Variants in SLC26A2 observed in about 807,000 individuals in gnomAD.
SLC26A2 encodes solute carrier family 26 member 2.
A neutral mutation model predicts 41.1 loss-of-function variants in SLC26A2; 36 were observed. The observed-to-expected ratio is 0.88, with a 90% CI of 0.67 to 1.16. The LOEUF is 1.16. Among genes scored for constraint, SLC26A2 ranks in the 50% most tolerant of loss-of-function variants. SLC26A2 has a pLI of 0.00. For synonymous variants in SLC26A2, 291 were observed against 311.6 expected (o/e 0.93, Z 0.70); for missense variants, 796 against 869.6 (o/e 0.92, Z 1.07).
intron 1 of SLC26A2, among the ~76,000 whole-genome samples, chr5:149,970,286 T>C (rs537871190): frequency 4.0e-4 from 61 of 152,182 alleles, no homozygotes; most frequent in Non-Finnish European, 5.7e-4. Context: ...AGTGGAAGAA[T>C]TGATTGAGCC....
chr5:149,981,654 T>G lies in SLC26A2; in HGVS notation c.2061T>G (p.Asn687Lys). ...IGIQVLLAQC[N>K]PTVRDSLTNG... is the part of the protein sequence containing the mutation. ...TCCAGGTTCTGCTGGCTCAGTGCAA[T>G]CCCACTGTGAGGGATTCCCTAACCA... is the stretch of plus-strand genomic sequence containing the variant. Residue 687 changes from asparagine to lysine, a missense_variant, in exon 3 of 3, where the codon AAT (asparagine) becomes AAG (lysine). Asn to Lys is a moderately conservative substitution (Grantham distance 94, BLOSUM62 0). Transcript: ENST00000286298. 6.2e-7 allele frequency: 1 copy of G among 1,613,948 alleles called. No homozygotes were observed. The highest frequency in any genetic ancestry group is 8.5e-7 in the Non-Finnish European group (1 of 1,179,936).
chr5:149,977,600 A>C (rs978368526), intron 1 of SLC26A2, 28 bp from the exon 2 acceptor site: 2 of 1,131,072 alleles, frequency 1.8e-6, no homozygotes, highest in Non-Finnish European at 2.7e-6. Flanking sequence ...TACTTTATTG[A>C]TGAACACTGG....
rs148702316 is a variant in SLC26A2, at chr5:149,973,453, C to G, written c.-25-4175C>G. The stretch of plus-strand genomic sequence containing the variant: ...CCTTCCTGAAACTGTCTCTCTCTCT[C>G]TGTGTGTCTCTCTCTGTGTTTCTCT... On this transcript the variant is annotated intron_variant, in intron 1 of 2. Coordinates refer to ENST00000286298, the MANE Select transcript of SLC26A2 (RefSeq NM_000112.4). 9.2e-3 allele frequency among the ~76,000 whole-genome samples: 1,403 copies of G among 151,950 alleles called. 25 individuals carry two copies. Among genetic ancestry groups the G allele is most frequent in the African/African-American group, 0.032 (1,312 of 41,412 alleles).
rs370650784 is a variant in SLC26A2, at chr5:149,980,776, G to T, written c.1183G>T (p.Ala395Ser). The T allele has an allele frequency of 3.1e-6, 5 of 1,613,888 alleles. No individual in the cohort carries two copies. The African/African-American group carries it at 6.7e-5, about 22-fold the overall frequency. Residue 395 changes from alanine to serine, a missense_variant, in exon 3 of 3, where the codon GCT becomes TCT. Ala to Ser is a moderately conservative substitution (Grantham distance 99). Transcript: ENST00000286298. The stretch of plus-strand genomic sequence containing the variant: ...AATAGCTATTTCCATCATTGGTTTT[G>T]CTATCACTGTATCACTTTCTGAGAT... ...DAIAISIIGF[A>S]ITVSLSEMFA... is the part of the protein sequence containing the mutation.
intron 1 of SLC26A2, among the ~76,000 whole-genome samples, chr5:149,975,572 G>A (rs2113694041): frequency 6.6e-6 from 1 of 152,334 alleles, no homozygotes; most frequent in Admixed American, 6.5e-5. Context: ...TGGTTGCATT[G>A]TAGAGCAAAG....
Position 149,977,918 on chromosome 5 carries a change from T to G in SLC26A2, c.266T>G (p.Ile89Ser), listed in dbSNP as rs1200428645. ...AGTCCAGCCAAAGCCAAAAATATGA[T>G]TTTAGGTTTCCTTCCTGTTTTGCAG... ...QCSPAKAKNM[I>S]LGFLPVLQWL... Residue 89 changes from isoleucine (I) to serine (S), a missense_variant, in exon 2 of 3, where the codon ATT becomes AGT. Physicochemically the swap from Ile to Ser is moderately radical, Grantham distance 142 (BLOSUM62 -2). Transcript: ENST00000286298. 6.2e-7 allele frequency: 1 copy of G among 1,614,170 alleles called. No homozygotes were observed. The highest frequency in any genetic ancestry group is 1.1e-5 in the South Asian group (1 of 91,078).
intron 1 of SLC26A2, among the ~76,000 whole-genome samples, chr5:149,967,854 A>G (rs1050139632): frequency 2.9e-4 from 44 of 151,974 alleles, no homozygotes; most frequent in Admixed American, 1.0e-3. Context: ...GGCTCAAGCA[A>G]TCCTCCCTCC....
chr5:149,982,682 TG>T lies in SLC26A2; in HGVS notation c.*870del, dbSNP rs1755131037. On this transcript the variant is annotated 3_prime_UTR_variant, in exon 3 of 3. Transcript: ENST00000286298. The stretch of plus-strand genomic sequence containing the variant: ...GGAATCTGTCCTAAACTGGTGTTTT[TG>T]TCAGTGACAGTCTTGCCAGTCAGCA... 6.6e-6 allele frequency: 1 copy of T among 152,230 alleles called. No homozygotes were observed. The highest frequency in any genetic ancestry group is 2.1e-4 in the South Asian group (1 of 4,828). The allele number at this position is 152,230 out of a possible 1,614,324, so 9.4% of individuals were successfully genotyped here.
chr5:149,975,417 C>T (rs1015249826), intron 1 of SLC26A2, among the ~76,000 whole-genome samples: 2 of 152,098 alleles, frequency 1.3e-5, no homozygotes, highest in African/African-American at 4.8e-5. Context: ...ATTTGGATTC[C>T]CTTAGTTTTT....
In SLC26A2 at chr5:149,980,918, A is replaced by C. The variant is rs756522316; in HGVS notation, c.1325A>C (p.Lys442Thr). Residue 442 changes from lysine (K) to threonine (T), a missense_variant, in exon 3 of 3, where the codon AAG becomes ACG. Lys to Thr is a moderately conservative substitution (Grantham distance 78). Coordinates refer to ENST00000286298, the MANE Select transcript of SLC26A2 (RefSeq NM_000112.4). Reference protein sequence around the residue: ...HCFTTSAALAKTLVKESTGCH... With the variant: ...HCFTTSAALATTLVKESTGCH... Reference sequence around the variant, plus strand: ...TTTACTACTAGTGCAGCTCTTGCAAAGACATTGGTTAAAGAATCAACAGGC... The same window carrying C: ...TTTACTACTAGTGCAGCTCTTGCAACGACATTGGTTAAAGAATCAACAGGC... 2.5e-6 allele frequency: 4 copies of C among 1,614,050 alleles called. No homozygotes were observed. The African/African-American group carries it at 5.3e-5, about 22-fold the overall frequency.
intron 1 of SLC26A2, among the ~76,000 whole-genome samples, chr5:149,967,085 G>A (rs1754817235): frequency 6.6e-6 from 1 of 152,128 alleles, no homozygotes; most frequent in African/African-American, 2.4e-5. Flanking sequence ...ATTGTTTGAG[G>A]CCAGGAGTTC....
chr5:149,977,592 C>G, intron 1 of SLC26A2, 36 bp from the exon 2 acceptor site: 1 of 1,083,864 alleles, frequency 9.2e-7, no homozygotes, highest in Non-Finnish European at 1.4e-6. Context: ...CTGAGAATTA[C>G]TTTATTGATG....
At position 149,986,069 on chromosome 5, in the gene SLC26A2, C is replaced by T; in HGVS notation, c.*4256C>T. 6.6e-6 allele frequency: 1 copy of T among 152,136 alleles called. No individual in the cohort carries two copies. The highest frequency in any genetic ancestry group is 1.9e-4 in the East Asian group (1 of 5,196). 9.4% of individuals were successfully genotyped at this position (152,136 alleles called of 1,614,324 possible). A position where few individuals can be genotyped will look rare whatever the true frequency, so the allele number is the denominator to read the frequency against. ...ATCTCAGTGTTTTCTTTATCCATCC[C>T]AGTGATGCCTTATTTGAAACTGGGC... On this transcript the variant is annotated 3_prime_UTR_variant, in exon 3 of 3. Coordinates refer to ENST00000286298, the MANE Select transcript of SLC26A2 (RefSeq NM_000112.4).
chr5:149,969,852 C>G (rs907860750), intron 1 of SLC26A2, among the ~76,000 whole-genome samples: 1 of 152,194 alleles, frequency 6.6e-6, no homozygotes, highest in Non-Finnish European at 1.5e-5. Context: ...CTTCCTACTT[C>G]ACGTTGGCCT....
chr5:149,966,665 A>G (rs149413499), intron 1 of SLC26A2, among the ~76,000 whole-genome samples: 5 of 152,142 alleles, frequency 3.3e-5, no homozygotes, highest in East Asian at 1.9e-4. Context: ...TGGAAATCCA[A>G]ATTGCTCCAG....
chr5:149,977,878 A>C lies in SLC26A2; in HGVS notation c.226A>C (p.Lys76Gln). 3.1e-6 allele frequency: 5 copies of C among 1,614,118 alleles called. No homozygotes were observed. The South Asian group carries it at 5.5e-5, about 18-fold the overall frequency. The change falls in exon 2 of 3, where the codon AAG (lysine) becomes CAG (glutamine). Residue 76 changes from lysine to glutamine, a missense_variant. Coordinates refer to ENST00000286298, the MANE Select transcript of SLC26A2 (RefSeq NM_000112.4). ...GGAGTTTGTTATTAAAAAGCTGCAG[A>C]AGAATTGCCAGTGCAGTCCAGCCAA... is the stretch of plus-strand genomic sequence containing the variant. ...FKEFVIKKLQ[K>Q]NCQCSPAKAK...
chr5:149,986,628 C>G lies in SLC26A2; in HGVS notation c.*4815C>G, dbSNP rs1256113705. 4 of 152,058 alleles carry G rather than the reference C, an allele frequency of 2.6e-5. No individual in the cohort carries two copies. Among genetic ancestry groups the G allele is most frequent in the African/African-American group, 9.7e-5 (4 of 41,404 alleles). 9.4% of individuals were successfully genotyped at this position (152,058 alleles called of 1,614,324 possible). On this transcript the variant is annotated 3_prime_UTR_variant, in exon 3 of 3. Coordinates refer to ENST00000286298, the MANE Select transcript of SLC26A2 (RefSeq NM_000112.4). Reference sequence around the variant, plus strand: ...AGCATTGTAGTAAATAGTGGATTCTCTGGTGTGTATTTTTTATCTCAGTGT... The same window carrying G: ...AGCATTGTAGTAAATAGTGGATTCTGTGGTGTGTATTTTTTATCTCAGTGT...
chr5:149,967,305 A>G (rs114205532), intron 1 of SLC26A2, among the ~76,000 whole-genome samples: 1 of 152,170 alleles, frequency 6.6e-6, no homozygotes, highest in Non-Finnish European at 1.5e-5. Context: ...TACTCTCTCT[A>G]TATATATACA....
At position 149,981,262 on chromosome 5, in the gene SLC26A2, G is replaced by T; in HGVS notation, c.1669G>T (p.Val557Leu). The change falls in exon 3 of 3, where the codon GTG becomes TTG. Residue 557 changes from valine to leucine, a missense_variant. Transcript: ENST00000286298. Reference protein sequence around the residue: ...QKPKSSLLGLVEESEVFESVS... With the variant: ...QKPKSSLLGLLEESEVFESVS... ...GCCAAAGAGTTCACTGCTTGGCTTG[G>T]TGGAAGAGTCTGAGGTCTTTGAATC... 1 of 1,614,160 alleles carries T rather than the reference G, an allele frequency of 6.2e-7. No homozygotes were observed. Among genetic ancestry groups the T allele is most frequent in the South Asian group, 1.1e-5 (1 of 91,084 alleles).
Sources: gnomAD v4.1 joint callset for allele counts (sites outside exome capture counted in the v4.1 genomes callset) on GRCh38, gnomAD v4.1.1 for gene constraint, MANE v1.5 for transcripts, NCBI Gene and HGNC (gene_info 2026-07-23, HGNC 2026-07-21) for gene names.